ZNF195: variants seen among roughly 807,000 people sequenced by gnomAD.
ZNF195 encodes zinc finger protein 195, also known as hypoxia-regulated factor-1.
In ZNF195, 11 loss-of-function variants were observed where a neutral mutation model predicts 19.5. The ratio of observed to expected loss-of-function variants is 0.57; its 90% confidence interval spans 0.36 to 0.94. The LOEUF is 0.94. ZNF195 is among the 40% of genes least tolerant of loss of function. The probability of loss-of-function intolerance (pLI) is 0.01; values close to 1 mark genes in which losing one functional copy is unlikely to be tolerated. For missense variants in ZNF195, 582 were observed against 709.0 expected, an observed-to-expected ratio of 0.82 and a Z score of 2.03; for synonymous variants, 214 against 248.1, an observed-to-expected ratio of 0.86 and a Z score of 1.29.
chr11:3,359,131 C>G lies in ZNF195; in HGVS notation c.1877G>C (p.Ser626Thr), dbSNP rs750511570. ...TTTATTTTTTTCTCAAGTATGAATG[C>G]TTTCATGTACAGTCAGGTGTGAGAA... ...TQFSHLTVHE[S>T]IHT The change falls in exon 6 of 6, where the codon AGC becomes ACC. Residue 626 changes from serine (S) to threonine (T), a missense_variant. Physicochemically the swap from Ser to Thr is moderately conservative, Grantham distance 58. This residue lies in a region of ZNF195 where 407 missense variants were observed against 530.5 expected (regional missense o/e 0.77). Coordinates refer to ENST00000399602, the MANE Select transcript of ZNF195 (RefSeq NM_001130520.3). This position sits in a 1 kb window ranked among gnomAD's most constrained non-coding sequence, Gnocchi z 5.5. 7.7e-6 allele frequency: 12 copies of G among 1,550,470 alleles called. No individual in the cohort carries two copies. In the African/African-American group the frequency reaches 1.7e-4, roughly 22 times the overall value.
At chr11:3,368,773 T>C (rs972621213) in intron 3 of ZNF195, 45 of 451,990 alleles carry the variant, frequency 1.0e-4, no homozygotes, top group Non-Finnish European at 2.0e-4. Context: ...AGAATTAAAC[T>C]CATGCATATC....
intron 3 of ZNF195, chr11:3,362,765 C>A: frequency 3.0e-6 from 1 of 329,858 alleles, no homozygotes; most frequent in East Asian, 4.2e-5. Context: ...TATTTAGGAA[C>A]TAAACTACTC....
intron 3 of ZNF195, chr11:3,366,950 A>G (rs1287412033): frequency 4.4e-6 from 2 of 453,804 alleles, no homozygotes; most frequent in Admixed American, 4.7e-5. Context: ...CTGTAGTTCC[A>G]GGTCCTCAGG....
Position 3,371,681 on chromosome 11 carries a change from A to G in ZNF195, c.26T>C (p.Val9Ala). The G allele has an allele frequency of 6.2e-7, 1 of 1,608,762 alleles. No individual in the cohort carries two copies. The highest frequency in any genetic ancestry group is 8.5e-7 in the Non-Finnish European group (1 of 1,177,196). The change falls in exon 2 of 6, where the codon GTG (valine) becomes GCG (alanine). Residue 9 changes from valine to alanine, a missense_variant. Transcript: ENST00000399602. Reference sequence around the variant, plus strand: ...CTCCTCCAGGGAGAATTCTATGGCCACATCCCTGAACGTCAACAGAGTCTG... The same window carrying G: ...CTCCTCCAGGGAGAATTCTATGGCCGCATCCCTGAACGTCAACAGAGTCTG... MTLLTFRD[V>A]AIEFSLEEWK...
chr11:3,368,701 G>A, intron 3 of ZNF195: 1 of 333,072 alleles, frequency 3.0e-6, no homozygotes, highest in Non-Finnish European at 6.2e-6. Flanking sequence ...AGTAAGAACA[G>A]GATGGTATGC....
chr11:3,371,117 A>G (rs766536185), intron 2 of ZNF195, 47 bp from the exon 3 acceptor site: 5 of 1,579,808 alleles, frequency 3.2e-6, no homozygotes, highest in East Asian at 2.2e-5. Context: ...AAATTCTCCA[A>G]TTATCAACCT....
chr11:3,364,736 C>A (rs1848783480), intron 3 of ZNF195, among the ~76,000 whole-genome samples: 1 of 152,120 alleles, frequency 6.6e-6, no homozygotes, highest in Non-Finnish European at 1.5e-5. Flanking sequence ...ACGATGAAGA[C>A]AGTCAAAGAG....
chr11:3,374,196 T>C (rs1279574198), intron 1 of ZNF195, among the ~76,000 whole-genome samples: 1 of 152,252 alleles, frequency 6.6e-6, no homozygotes, highest in Non-Finnish European at 1.5e-5. Flanking sequence ...TCAATGTGCA[T>C]ATGAATCTTT....
chr11:3,369,377 C>G (rs1376916657), intron 3 of ZNF195: 1 of 325,346 alleles, frequency 3.1e-6, no homozygotes, highest in African/African-American at 2.2e-5. Context: ...AGCAATCACA[C>G]TTCTGTGTAT....
Position 3,359,898 on chromosome 11 carries a change from A to T in ZNF195, c.1110T>A (p.Ser370=). The change falls in exon 6 of 6, where the codon TCT becomes TCA. Residue 370 remains serine, a synonymous_variant. Transcript: ENST00000399602. The surrounding 1 kb of genome is among the most constrained non-coding windows in gnomAD (Gnocchi z 5.5). ...SSVFISCSSL[S]NQQMILAGEK... is the part of the protein sequence containing the mutation. The stretch of plus-strand genomic sequence containing the variant: ...CTCCAGCAAGAATCATCTGTTGATT[A>T]GAAAGGCTTGAGCAAGAGATAAAGA... 6.2e-7 allele frequency: 1 copy of T among 1,614,214 alleles called. No individual in the cohort carries two copies. The highest frequency in any genetic ancestry group is 8.5e-7 in the Non-Finnish European group (1 of 1,180,038).
intron 1 of ZNF195, among the ~76,000 whole-genome samples, chr11:3,376,299 TA>T: frequency 7.0e-6 from 1 of 142,980 alleles, no homozygotes; most frequent in South Asian, 2.2e-4. Flanking sequence ...GGGCCACACA[TA>T]AAATACACTA....
chr11:3,379,000 C>T (rs770216093), intron 1 of ZNF195, 38 bp downstream of exon 1: 2 of 1,396,622 alleles, frequency 1.4e-6, no homozygotes, highest in Admixed American at 2.7e-5. Flanking sequence ...CCAGTCCGCC[C>T]CTCCCTGTCT....
chr11:3,371,198 C>T, intron 2 of ZNF195, 128 bp from the exon 3 acceptor site: 1 of 858,752 alleles, frequency 1.2e-6, no homozygotes, highest in Non-Finnish European at 1.7e-6. Context: ...TGCTTCCTGA[C>T]ATCACCTTTA....
intron 3 of ZNF195, among the ~76,000 whole-genome samples, chr11:3,362,322 T>C (rs1848673028): frequency 6.6e-6 from 1 of 152,186 alleles, no homozygotes; most frequent in African/African-American, 2.4e-5. Context: ...GATACGCATA[T>C]ACAGAAAAAT....
chr11:3,362,471 C>T (rs1564915824), intron 3 of ZNF195: 1 of 406,060 alleles, frequency 2.5e-6, no homozygotes, highest in Non-Finnish European at 4.5e-6. Flanking sequence ...ATATCAGTAA[C>T]AAAGTTGAGG....
intron 3 of ZNF195, among the ~76,000 whole-genome samples, chr11:3,370,695 C>T (rs959611869): frequency 3.9e-5 from 6 of 152,236 alleles, no homozygotes; most frequent in Non-Finnish European, 1.5e-5. Flanking sequence ...TGGCGGAGCA[C>T]GCCATGAGAC....
intron 3 of ZNF195, among the ~76,000 whole-genome samples, chr11:3,370,634 T>C (rs1310027941): frequency 6.6e-6 from 1 of 152,186 alleles, no homozygotes; most frequent in African/African-American, 2.4e-5. Context: ...CAAAAAACAT[T>C]TAACAGAGTT....
In ZNF195 at chr11:3,371,558, G is replaced by A. The variant is rs746801623; in HGVS notation, c.130+19C>T. ...CTCTTTAGGGCATAGGAGGAACTAC[G>A]TATTGAAGTTATCCTCACCAACGGA... On this transcript the variant is annotated intron_variant, in intron 2 of 5. Coordinates refer to ENST00000399602, the MANE Select transcript of ZNF195 (RefSeq NM_001130520.3). The A allele has an allele frequency of 5.6e-6, 9 of 1,613,796 alleles. No homozygotes were observed. Among genetic ancestry groups the A allele is most frequent in the Admixed American group, 5.0e-5 (3 of 59,994 alleles).
Position 3,371,343 on chromosome 11 carries a change from T to C in ZNF195, c.130+234A>G, listed in dbSNP as rs1564924844. Among the ~76,000 whole-genome samples the C allele has an allele frequency of 2.0e-5, 3 of 152,220 alleles. No homozygotes were observed. In the East Asian group the frequency reaches 5.8e-4, roughly 29 times the overall value. On this transcript the variant is annotated intron_variant, in intron 2 of 5. Transcript: ENST00000399602. ...TTTCATGCCACTGAATTTCTGGAATTGTCACTAGAGTGAAAGATACAGATC... is the reference window on the plus strand; with the variant it reads ...TTTCATGCCACTGAATTTCTGGAATCGTCACTAGAGTGAAAGATACAGATC...
Sources: gnomAD v4.1 joint callset for allele counts (sites outside exome capture counted in the v4.1 genomes callset) on GRCh38, gnomAD v4.1.1 for gene constraint, gnomAD v4.1.1 regional missense constraint, Gnocchi (gnomAD v3.1) non-coding constraint, MANE v1.5 for transcripts, NCBI Gene and HGNC (gene_info 2026-07-23, HGNC 2026-07-21) for gene names.